Variants in HNMT observed in about 807,000 individuals in gnomAD.
HNMT encodes histamine N-methyltransferase.
HNMT carries 30 observed loss-of-function variants against 32.1 expected under a neutral mutation model. The observed-to-expected ratio is 0.93, with a 90% CI of 0.70 to 1.27. HNMT has a LOEUF of 1.27. HNMT is among the 50% of genes most tolerant of loss of function. The pLI is 0.00. For missense variants in HNMT, 327 were observed against 346.0 expected, an observed-to-expected ratio of 0.95 and a Z score of 0.43; for synonymous variants, 125 against 119.0, an observed-to-expected ratio of 1.05 and a Z score of -0.33.
intron 2 of HNMT, chr2:137,981,251 C>T (rs138107961): frequency 4.4e-5 from 71 of 1,613,296 alleles, no homozygotes; most frequent in African/African-American, 5.4e-5. Context: ...GGTTCTCAAG[C>T]GGAATTCGTG....
intron 5 of HNMT, among the ~76,000 whole-genome samples, chr2:138,010,228 A>G (rs1340864786): frequency 6.6e-6 from 1 of 152,026 alleles, no homozygotes; most frequent in Non-Finnish European, 1.5e-5. Flanking sequence ...CAGAGACAAT[A>G]CTTAGTAAAT....
rs184990069 is a variant in HNMT, at chr2:137,973,182, C to G, written c.190+2965C>G. On this transcript the variant is annotated intron_variant, in intron 2 of 5. Coordinates refer to ENST00000280097, the MANE Select transcript of HNMT (RefSeq NM_006895.3). ...CAACTAAGTTATATGAAATCAAAAGCAATGCATTTAAAATCCCTAGGTCTA... is the reference window on the plus strand; with the variant it reads ...CAACTAAGTTATATGAAATCAAAAGGAATGCATTTAAAATCCCTAGGTCTA... Among the ~76,000 whole-genome samples the G allele has an allele frequency of 3.9e-5, 6 of 152,200 alleles. No individual in the cohort carries two copies. In the East Asian group the frequency reaches 1.2e-3, roughly 29 times the overall value.
intron 2 of HNMT, among the ~76,000 whole-genome samples, chr2:137,980,332 C>T (rs896020506): frequency 1.5e-4 from 23 of 152,166 alleles, no homozygotes; most frequent in Admixed American, 5.2e-4. Flanking sequence ...CCACCATGCC[C>T]GGTCCTGTAA....
intron 2 of HNMT, among the ~76,000 whole-genome samples, chr2:137,974,550 C>A (rs950423541): frequency 3.3e-5 from 5 of 152,054 alleles, no homozygotes; most frequent in Non-Finnish European, 7.4e-5. Flanking sequence ...AAACATGTTC[C>A]AGAAAGCAGT....
At chr2:137,970,101 G>C in intron 1 of HNMT, 64 bp from the exon 2 acceptor site, 1 of 836,738 alleles carries the variant, frequency 1.2e-6, no homozygotes, top group Non-Finnish European at 2.0e-6. Flanking sequence ...AACTAGACTA[G>C]ATAATCAGAT....
chr2:137,969,329 T>G (rs913187683), intron 1 of HNMT, among the ~76,000 whole-genome samples: 8 of 152,236 alleles, frequency 5.3e-5, no homozygotes, highest in African/African-American at 1.7e-4. Context: ...ACCATTACTT[T>G]ATGATGATGA....
intron 2 of HNMT, among the ~76,000 whole-genome samples, chr2:138,000,021 T>C (rs76086747): frequency 0.021 from 3,217 of 152,284 alleles, 109 homozygotes; most frequent in African/African-American, 0.073. Flanking sequence ...ATCTGACTTA[T>C]TGTCATCTCT....
intron 3 of HNMT, 31 bp downstream of exon 3, chr2:138,001,056 A>C (rs374983688): frequency 1.8e-6 from 2 of 1,120,438 alleles, no homozygotes; most frequent in African/African-American, 3.2e-5. Context: ...TCTACACCAG[A>C]TCCTATCCCA....
intron 2 of HNMT, among the ~76,000 whole-genome samples, chr2:137,982,849 CTTA>C (rs1420144563): frequency 2.6e-5 from 4 of 152,116 alleles, no homozygotes; most frequent in Non-Finnish European, 5.9e-5. Context: ...GTTATGAAGG[CTTA>C]TTATTTTCCA....
chr2:137,978,214 A>G (rs1322354582), intron 2 of HNMT, among the ~76,000 whole-genome samples: 1 of 151,474 alleles, frequency 6.6e-6, no homozygotes, highest in African/African-American at 2.4e-5. Context: ...CAATACCAAA[A>G]TATCTAAAAC....
At chr2:137,975,739 G>A (rs1281282414) in intron 2 of HNMT, among the ~76,000 whole-genome samples, 1 of 152,104 alleles carries the variant, frequency 6.6e-6, no homozygotes, top group African/African-American at 2.4e-5. Flanking sequence ...ACTAGGAGGT[G>A]GCAGGAAGCA....
chr2:138,006,891 G>C lies in HNMT; in HGVS notation c.523+1666G>C, dbSNP rs549902867. On this transcript the variant is annotated intron_variant, in intron 5 of 5. Transcript: ENST00000280097. ...CATCATAAAAAAAATCAAAAGAAAGGGAGTAAAGACTCAACAATCAGTTAG... is the reference window on the plus strand; with the variant it reads ...CATCATAAAAAAAATCAAAAGAAAGCGAGTAAAGACTCAACAATCAGTTAG... Among the ~76,000 whole-genome samples the C allele has an allele frequency of 7.9e-5, 12 of 151,838 alleles. No individual in the cohort carries two copies. The South Asian group carries it at 2.5e-3, about 32-fold the overall frequency.
At chr2:137,999,738 A>G (rs1681103081) in intron 2 of HNMT, among the ~76,000 whole-genome samples, 1 of 152,200 alleles carries the variant, frequency 6.6e-6, no homozygotes. Flanking sequence ...AGTTGGAGGC[A>G]TCAGCAAGAG....
At chr2:137,973,705 CAA>C (rs1395379173) in intron 2 of HNMT, among the ~76,000 whole-genome samples, 1 of 151,982 alleles carries the variant, frequency 6.6e-6, no homozygotes, top group Non-Finnish European at 1.5e-5. Context: ...CAAAAACACA[CAA>C]AAGAAAACCA....
At chr2:137,967,218 C>T in intron 1 of HNMT, 1 of 705,230 alleles carries the variant, frequency 1.4e-6, no homozygotes. Context: ...TGAGACCAGC[C>T]TGGGCAACAT....
rs144086124 is a variant in HNMT, at chr2:138,016,364, A to C, written c.*2234A>C. ...GTGTTGCCAGTGTAAACCTTAACTT[A>C]TTTAGGACTCTTTCAGACACTTTTT... is the stretch of plus-strand genomic sequence containing the variant. On this transcript the variant is annotated 3_prime_UTR_variant, in exon 6 of 6. Coordinates refer to ENST00000280097, the MANE Select transcript of HNMT (RefSeq NM_006895.3). The C allele has an allele frequency of 3.5e-4, 54 of 152,260 alleles. No individual in the cohort carries two copies. Among genetic ancestry groups the C allele is most frequent in the African/African-American group, 1.3e-3 (52 of 41,556 alleles). 9.4% of individuals were successfully genotyped at this position (152,260 alleles called of 1,614,324 possible).
chr2:137,992,327 G>A (rs988083606), intron 2 of HNMT, among the ~76,000 whole-genome samples: 1 of 152,186 alleles, frequency 6.6e-6, no homozygotes, highest in Non-Finnish European at 1.5e-5. Context: ...CCTGGGCAGG[G>A]GAAGGGAGGC....
Position 138,014,256 on chromosome 2 carries a change from A to C in HNMT, c.*126A>C, listed in dbSNP as rs2104995892. 1 of 649,180 alleles carries C rather than the reference A, an allele frequency of 1.5e-6. No homozygotes were observed. The highest frequency in any genetic ancestry group is 2.7e-5 in the East Asian group (1 of 36,560). The allele number at this position is 649,180 out of a possible 1,614,324, so 40.2% of individuals were successfully genotyped here. A position where few individuals can be genotyped will look rare whatever the true frequency, so the allele number is the denominator to read the frequency against. The stretch of plus-strand genomic sequence containing the variant: ...AAAGCACTGTTTGGATATGAGATGT[A>C]GCAAATTCCAATACATTATTGGACT... On this transcript the variant is annotated 3_prime_UTR_variant, in exon 6 of 6. Coordinates refer to ENST00000280097, the MANE Select transcript of HNMT (RefSeq NM_006895.3).
intron 5 of HNMT, among the ~76,000 whole-genome samples, chr2:138,010,305 C>G (rs934834920): frequency 1.4e-5 from 2 of 146,306 alleles, no homozygotes; most frequent in East Asian, 4.1e-4. Flanking sequence ...ACAATAAGCT[C>G]TGAATATACA....
Sources: allele counts gnomAD v4.1 joint callset (sites outside exome capture counted in the v4.1 genomes callset), GRCh38; gene constraint gnomAD v4.1.1; transcripts MANE v1.5; gene names NCBI Gene and HGNC (gene_info 2026-07-23, HGNC 2026-07-21).